Variants in EMC2 observed in about 807,000 individuals in gnomAD.
EMC2 encodes the protein TPR repeat protein 35.
Under a neutral mutation model 51.6 loss-of-function variants are expected in EMC2, and 37 were observed. The ratio of observed to expected loss-of-function variants is 0.72; its 90% CI spans 0.55 to 0.94. The LOEUF (loss-of-function observed/expected upper bound fraction) is 0.94. Among genes scored for constraint, EMC2 ranks in the 40% least tolerant of loss-of-function variants. EMC2 has a pLI of 0.00. For missense variants in EMC2, 359 were observed against 350.9 expected (o/e 1.02, Z -0.18); for synonymous variants, 131 against 112.4 (o/e 1.17, Z -1.04).
Position 108,479,073 on chromosome 8 carries a change from C to A in EMC2, c.770C>A (p.Ala257Asp). The change falls in exon 10 of 11, where the codon GCT (alanine) becomes GAT (aspartate). Residue 257 changes from alanine to aspartate, a missense_variant. Ala to Asp is a moderately radical substitution (Grantham distance 126, BLOSUM62 -2). Coordinates refer to ENST00000220853, the MANE Select transcript of EMC2 (RefSeq NM_014673.5). ...AKTKKDNMKY[A>D]SWAASQINRA... ...ACGAAAAAGGACAACATGAAATATGCTAGTTGGGCAGCTAGTCAAATAAAC... is the reference window on the plus strand; with the variant it reads ...ACGAAAAAGGACAACATGAAATATGATAGTTGGGCAGCTAGTCAAATAAAC... 6.3e-7 allele frequency: 1 copy of A among 1,585,622 alleles called. No individual in the cohort carries two copies. Among genetic ancestry groups the A allele is most frequent in the Non-Finnish European group, 8.6e-7 (1 of 1,165,236 alleles).
chr8:108,486,486 A>AG, intron 10 of EMC2, 26 bp from the exon 11 acceptor site: 3 of 1,334,984 alleles, frequency 2.2e-6, no homozygotes, highest in Non-Finnish European at 1.9e-6. Context: ...AGCCTAATTG[A>AG]GCTTTTTTTT....
intron 3 of EMC2, among the ~76,000 whole-genome samples, chr8:108,452,515 CA>C (rs1451657739): frequency 1.3e-5 from 2 of 152,044 alleles, no homozygotes; most frequent in African/African-American, 4.8e-5. Context: ...TGCAGTGAGC[CA>C]GGATCGTGCC....
intron 10 of EMC2, among the ~76,000 whole-genome samples, chr8:108,481,234 A>G (rs1243381197): frequency 1.3e-5 from 2 of 152,054 alleles, no homozygotes; most frequent in African/African-American, 2.4e-5. Context: ...AAAATTGAGA[A>G]GATTTTACAA....
intron 5 of EMC2, among the ~76,000 whole-genome samples, chr8:108,462,710 A>G (rs1365002616): frequency 3.3e-5 from 5 of 150,962 alleles, no homozygotes; most frequent in Non-Finnish European, 7.4e-5. Context: ...TATAATTTGC[A>G]TTATGAGTAC....
chr8:108,474,525 C>CTAAA lies in EMC2; in HGVS notation c.510-1354_510-1351dup, dbSNP rs1740033980. ...GTTTTGAATTTAAAAATGGAAAGGGCTAAATAGCTGCATGATCTTGGATGA... is the reference window on the plus strand; with the variant it reads ...GTTTTGAATTTAAAAATGGAAAGGGCTAAATAAATAGCTGCATGATCTTGGATGA... On this transcript the variant is annotated intron_variant, in intron 7 of 10. Transcript: ENST00000220853. 6 of 150,132 alleles carry CTAAA rather than the reference C, an allele frequency of 4.0e-5. No individual in the cohort carries two copies. In the South Asian group the frequency reaches 1.3e-3, roughly 32 times the overall value. 9.3% of individuals were successfully genotyped at this position (150,132 alleles called of 1,614,324 possible). A position where few individuals can be genotyped will look rare whatever the true frequency, so the allele number is the denominator to read the frequency against.
intron 5 of EMC2, among the ~76,000 whole-genome samples, chr8:108,458,831 C>T (rs1453261740): frequency 1.3e-5 from 2 of 152,172 alleles, no homozygotes; most frequent in Non-Finnish European, 2.9e-5. Context: ...CTGCAGCTGG[C>T]TTGAATTTCT....
intron 5 of EMC2, among the ~76,000 whole-genome samples, chr8:108,468,447 CT>C (rs1284173309): frequency 6.6e-6 from 1 of 151,888 alleles, no homozygotes; most frequent in South Asian, 2.1e-4. Flanking sequence ...GATATAGATT[CT>C]TTTTTTATTT....
At chr8:108,457,049 T>A (rs892952652) in intron 5 of EMC2, among the ~76,000 whole-genome samples, 1 of 152,342 alleles carries the variant, frequency 6.6e-6, no homozygotes, top group Admixed American at 6.5e-5. Context: ...GATTTTAAGA[T>A]GTAAAATGCT....
intron 10 of EMC2, among the ~76,000 whole-genome samples, 160 bp downstream of exon 10, chr8:108,479,270 T>A (rs182740258): frequency 6.6e-6 from 1 of 152,314 alleles, no homozygotes; most frequent in East Asian, 1.9e-4. Flanking sequence ...GTTTTAAGAT[T>A]ACCTTTTTTT....
intron 4 of EMC2, among the ~76,000 whole-genome samples, chr8:108,455,650 A>G (rs1467477578): frequency 2.6e-5 from 4 of 152,172 alleles, no homozygotes. Flanking sequence ...TTCTATAAGT[A>G]CTATATACAT....
chr8:108,489,135 G>A lies in EMC2; in HGVS notation c.*2537G>A, dbSNP rs60876559. ...TTGTTGAACACCCAAATCAAGATGA[G>A]CAATTGCCAAACTCCCCAATTATTA... On this transcript the variant is annotated 3_prime_UTR_variant, in exon 11 of 11. Transcript: ENST00000220853. 5.3e-3 allele frequency among the ~76,000 whole-genome samples: 809 copies of A among 152,238 alleles called. 5 individuals are homozygous for A. The highest frequency in any genetic ancestry group is 0.018 in the African/African-American group (754 of 41,540).
intron 5 of EMC2, chr8:108,463,940 A>T (rs927018652): frequency 1.3e-5 from 2 of 152,512 alleles, no homozygotes; most frequent in African/African-American, 4.8e-5. Flanking sequence ...CAAACCCTCC[A>T]CTAACCCCTC....
intron 5 of EMC2, among the ~76,000 whole-genome samples, chr8:108,466,578 A>T (rs1819473446): frequency 6.7e-6 from 1 of 149,752 alleles, no homozygotes; most frequent in Non-Finnish European, 1.5e-5. Flanking sequence ...CAGCTTCCTG[A>T]TTAGCTAGTA....
In EMC2 at chr8:108,487,831, TAC is replaced by T. The variant is rs370193433; in HGVS notation, c.*1235_*1236del. On this transcript the variant is annotated 3_prime_UTR_variant, in exon 11 of 11. Transcript: ENST00000220853. Reference sequence around the variant, plus strand: ...CCATATCTAGTCTAATCTTTCATATTACAGTCATTTTCGTTTTATTCTGCCAC... The same window carrying T: ...CCATATCTAGTCTAATCTTTCATATTAGTCATTTTCGTTTTATTCTGCCAC... Among the ~76,000 whole-genome samples the T allele has an allele frequency of 2.3e-3, 345 of 152,254 alleles. No homozygotes were observed. The highest frequency in any genetic ancestry group is 7.7e-3 in the African/African-American group (322 of 41,556).
At position 108,486,663 on chromosome 8, in the gene EMC2, T is replaced by G. The variant is rs372380969; in HGVS notation, c.*65T>G. The G allele has an allele frequency of 8.1e-6, 12 of 1,475,378 alleles. No individual in the cohort carries two copies. In the South Asian group the frequency reaches 1.6e-4, roughly 20 times the overall value. 91.4% of individuals were successfully genotyped at this position (1,475,378 alleles called of 1,614,324 possible). ...CAATTGAACTTATTGGCCTGTAACT[T>G]ATTTACTAAATGCTCAGTGCTATTT... On this transcript the variant is annotated 3_prime_UTR_variant, in exon 11 of 11. Coordinates refer to ENST00000220853, the MANE Select transcript of EMC2 (RefSeq NM_014673.5).
At chr8:108,470,871 A>C (rs573393074) in intron 7 of EMC2, 5 of 152,024 alleles carry the variant, frequency 3.3e-5, no homozygotes, top group Admixed American at 1.3e-4. Flanking sequence ...TCAGATTCTC[A>C]TGCGCATTTT....
chr8:108,477,947 A>G (rs77724743), intron 9 of EMC2, among the ~76,000 whole-genome samples: 21,639 of 152,006 alleles, frequency 0.14, 3,076 homozygotes, highest in African/African-American at 0.37. Flanking sequence ...AATTTGCCCA[A>G]AGATGGGCAC....
intron 4 of EMC2, among the ~76,000 whole-genome samples, chr8:108,455,497 T>C (rs1053992133): frequency 3.9e-5 from 6 of 152,208 alleles, no homozygotes; most frequent in African/African-American, 9.6e-5. Flanking sequence ...TACATGTCAT[T>C]GTTTAAATTC....
chr8:108,477,912 G>A (rs2130405966), intron 9 of EMC2, among the ~76,000 whole-genome samples: 1 of 152,086 alleles, frequency 6.6e-6, no homozygotes, highest in East Asian at 1.9e-4. Flanking sequence ...TCCTCAGGTG[G>A]TGAAACTGAG....
Sources: gnomAD v4.1 joint callset for allele counts (sites outside exome capture counted in the v4.1 genomes callset) on GRCh38, gnomAD v4.1.1 for gene constraint, MANE v1.5 for transcripts, NCBI Gene and HGNC (gene_info 2026-07-23, HGNC 2026-07-21) for gene names.